ARHGEF10L: variants seen among roughly 807,000 people sequenced by gnomAD.
The protein encoded by ARHGEF10L is rho guanine nucleotide exchange factor 10-like protein.
ARHGEF10L carries 69 observed loss-of-function variants against 141.2 expected under a neutral mutation model. The ratio of observed to expected loss-of-function variants is 0.49; its 90% CI spans 0.40 to 0.60. The LOEUF is 0.60. ARHGEF10L is among the 20% of genes least tolerant of loss of function. The pLI is 0.00. For synonymous variants in ARHGEF10L, 711 were observed against 718.5 expected (o/e 0.99, Z 0.17); for missense variants, 1,482 against 1,734.3 (o/e 0.85, Z 2.58).
intron 4 of ARHGEF10L, among the ~76,000 whole-genome samples, chr1:17,589,630 C>G (rs2079359717): frequency 6.6e-6 from 1 of 152,198 alleles, no homozygotes; most frequent in South Asian, 2.1e-4. Context: ...TTCTCCTGAG[C>G]TTGCTACTAT....
intron 27 of ARHGEF10L, among the ~76,000 whole-genome samples, chr1:17,691,903 G>C (rs998265721): frequency 2.0e-5 from 3 of 152,158 alleles, no homozygotes; most frequent in Non-Finnish European, 2.9e-5. Flanking sequence ...CATGAGCCAA[G>C]GTACTTGGCC....
chr1:17,692,959 A>G (rs10788680), intron 27 of ARHGEF10L, among the ~76,000 whole-genome samples: 123,553 of 152,110 alleles, frequency 0.81, 50,382 homozygotes, highest in East Asian at 0.91. Flanking sequence ...CTTGTCACCC[A>G]GCAGCCTCAC....
Position 17,615,636 on chromosome 1 carries a change from T to C in ARHGEF10L, c.727-458T>C, listed in dbSNP as rs2059765103. On this transcript the variant is annotated intron_variant, in intron 8 of 28. Coordinates refer to ENST00000361221, the MANE Select transcript of ARHGEF10L (RefSeq NM_018125.4). This position sits in a 1 kb window ranked among gnomAD's most constrained non-coding sequence, Gnocchi z 4.7. ...GAGTGCATTTTTCTGCTCAGGGAGCTTTCCCAGACCCGGAATGTTTGGTGC... is the reference window on the plus strand; with the variant it reads ...GAGTGCATTTTTCTGCTCAGGGAGCCTTCCCAGACCCGGAATGTTTGGTGC... The C allele has an allele frequency of 6.3e-6, 1 of 157,908 alleles. No homozygotes were observed. Among genetic ancestry groups the C allele is most frequent in the African/African-American group, 2.4e-5 (1 of 41,644 alleles). 9.8% of individuals were successfully genotyped at this position (157,908 alleles called of 1,614,324 possible).
chr1:17,606,363 G>T lies in ARHGEF10L; in HGVS notation c.434-1439G>T, dbSNP rs547330916. 2.7e-4 allele frequency among the ~76,000 whole-genome samples: 41 copies of T among 150,930 alleles called. 1 individual carries two copies. In the South Asian group the frequency reaches 7.6e-3, roughly 28 times the overall value. Reference sequence around the variant, plus strand: ...GGCTGGAGTTCAGTGGCACGGTCTCGGCTCACTGCAGCTTCCGCCTCCCGG... The same window carrying T: ...GGCTGGAGTTCAGTGGCACGGTCTCTGCTCACTGCAGCTTCCGCCTCCCGG... On this transcript the variant is annotated intron_variant, in intron 6 of 28. Transcript: ENST00000361221.
intron 26 of ARHGEF10L, among the ~76,000 whole-genome samples, chr1:17,683,572 G>A (rs76593741): frequency 0.14 from 21,731 of 152,226 alleles, 1,681 homozygotes; most frequent in Non-Finnish European, 0.16. Flanking sequence ...CAGGCTCGTG[G>A]TGTGAGAAGG....
chr1:17,623,504 AG>A lies in ARHGEF10L; in HGVS notation c.1200+333del, dbSNP rs1165548758. 6.6e-6 allele frequency among the ~76,000 whole-genome samples: 1 copy of A among 152,078 alleles called. No individual in the cohort carries two copies. The highest frequency in any genetic ancestry group is 2.4e-5 in the African/African-American group (1 of 41,392). On this transcript the variant is annotated intron_variant, in intron 12 of 28. Coordinates refer to ENST00000361221, the MANE Select transcript of ARHGEF10L (RefSeq NM_018125.4). The surrounding 1 kb of genome is among the most constrained non-coding windows in gnomAD (Gnocchi z 4.7). Reference sequence around the variant, plus strand: ...CACAAGCTCTCTTACCGAGCACTTGAGGGGTTTCAAGCCAGTGTGAAATGCT... The same window carrying A: ...CACAAGCTCTCTTACCGAGCACTTGAGGGTTTCAAGCCAGTGTGAAATGCT...
chr1:17,601,028 C>T (rs1463485315), intron 4 of ARHGEF10L, among the ~76,000 whole-genome samples: 12 of 135,238 alleles, frequency 8.9e-5, no homozygotes, highest in Non-Finnish European at 1.5e-4. Context: ...GAAGCCTGGG[C>T]GACAGAGCGA....
the ARHGEF10L span, among the ~76,000 whole-genome samples, chr1:17,524,564 A>C: frequency 0.57 from 86,139 of 151,830 alleles, 24,866 homozygotes; most frequent in East Asian, 0.75. Flanking sequence ...AGAGTGAGAC[A>C]CTGTCTCAAA....
chr1:17,555,480 C>T (rs1019787167), intron 1 of ARHGEF10L, among the ~76,000 whole-genome samples: 6 of 152,104 alleles, frequency 3.9e-5, no homozygotes, highest in African/African-American at 9.6e-5. Flanking sequence ...CTTAGCCTCT[C>T]AAGCAGCTGG....
intron 22 of ARHGEF10L, among the ~76,000 whole-genome samples, chr1:17,651,694 A>G (rs2061947022): frequency 6.6e-6 from 1 of 152,156 alleles, no homozygotes; most frequent in African/African-American, 2.4e-5. Flanking sequence ...GGGCCCAGGA[A>G]TATGTAGGCC....
At chr1:17,547,504 G>A (rs768166339) in intron 1 of ARHGEF10L, among the ~76,000 whole-genome samples, 2 of 152,228 alleles carry the variant, frequency 1.3e-5, no homozygotes, top group Non-Finnish European at 2.9e-5. Flanking sequence ...CAAGGCGGGA[G>A]CCAGCTCTCA....
At chr1:17,562,278 G>C (rs933443620) in intron 1 of ARHGEF10L, among the ~76,000 whole-genome samples, 1 of 152,212 alleles carries the variant, frequency 6.6e-6, no homozygotes, top group East Asian at 1.9e-4. Context: ...TTGGCTGGGC[G>C]TGGTGGCGTA....
intron 1 of ARHGEF10L, among the ~76,000 whole-genome samples, chr1:17,557,455 CAGCCTTCAAG>C (rs1296333650): frequency 2.0e-5 from 3 of 152,200 alleles, no homozygotes; most frequent in African/African-American, 4.8e-5. Flanking sequence ...CCTGCAGTAT[CAGCCTTCAAG>C]AGCTAGTGAC....
In ARHGEF10L at chr1:17,551,864, G is replaced by A. The variant is rs2077124729; in HGVS notation, c.-44+11914G>A. 2.6e-5 allele frequency among the ~76,000 whole-genome samples: 4 copies of A among 152,230 alleles called. 1 individual carries two copies. The highest frequency in any genetic ancestry group is 1.5e-5 in the Non-Finnish European group (1 of 68,026). ...CAACCACAGTCCCAGGGGTGGAAGCGGATGGTGAGTAACCCCAGGGAGCGG... is the reference window on the plus strand; with the variant it reads ...CAACCACAGTCCCAGGGGTGGAAGCAGATGGTGAGTAACCCCAGGGAGCGG... On this transcript the variant is annotated intron_variant, in intron 1 of 28. Coordinates refer to ENST00000361221, the MANE Select transcript of ARHGEF10L (RefSeq NM_018125.4).
chr1:17,544,015 C>T (rs2076828040), intron 1 of ARHGEF10L, among the ~76,000 whole-genome samples: 1 of 151,450 alleles, frequency 6.6e-6, no homozygotes, highest in East Asian at 2.0e-4. Context: ...GGCGTGATCT[C>T]TGCTCACTGC....
In ARHGEF10L at chr1:17,587,624, T is replaced by C. The variant is rs1418554887; in HGVS notation, c.202T>C (p.Leu68=). Residue 68 remains leucine (L), a synonymous_variant, in exon 3 of 29, where the codon TTG becomes CTG. Coordinates refer to ENST00000361221, the MANE Select transcript of ARHGEF10L (RefSeq NM_018125.4). ...ERDTDPPLIH[L]DSIPVTDPDP... is the part of the protein sequence containing the mutation. ...GGACACAGACCCCCCACTGATCCACTTGGACTCCATCCCTGTCACTGGTAA... is the reference window on the plus strand; with the variant it reads ...GGACACAGACCCCCCACTGATCCACCTGGACTCCATCCCTGTCACTGGTAA... 1.9e-6 allele frequency: 3 copies of C among 1,613,080 alleles called. No individual in the cohort carries two copies. The highest frequency in any genetic ancestry group is 2.2e-5 in the East Asian group (1 of 44,838).
At chr1:17,645,445 G>A (rs562307880) in intron 21 of ARHGEF10L, among the ~76,000 whole-genome samples, 10 of 152,254 alleles carry the variant, frequency 6.6e-5, no homozygotes, top group African/African-American at 2.4e-4. Flanking sequence ...AGGAAAGAGA[G>A]GAGCTGAGCT....
At position 17,696,928 on chromosome 1, in the gene ARHGEF10L, A is replaced by G; in HGVS notation, c.3388A>G (p.Ile1130Val). 6.2e-7 allele frequency: 1 copy of G among 1,611,492 alleles called. No individual in the cohort carries two copies. Among genetic ancestry groups the G allele is most frequent in the African/African-American group, 1.3e-5 (1 of 75,018 alleles). ...GGCTACCAGCATCCTGGCCCCTGACATCCTGCGGAGTGACCAGGAGGAGGC... is the reference window on the plus strand; with the variant it reads ...GGCTACCAGCATCCTGGCCCCTGACGTCCTGCGGAGTGACCAGGAGGAGGC... ...AVATSILAPD[I>V]LRSDQEEAEG... is the part of the protein sequence containing the mutation. The change falls in exon 29 of 29, where the codon ATC becomes GTC. Residue 1130 changes from isoleucine to valine, a missense_variant. Physicochemically the swap from Ile to Val is conservative, Grantham distance 29 (BLOSUM62 3). This residue lies in a region of ARHGEF10L where 858 missense variants were observed against 966.3 expected (regional missense o/e 0.89). Coordinates refer to ENST00000361221, the MANE Select transcript of ARHGEF10L (RefSeq NM_018125.4).
chr1:17,560,637 C>T (rs1217621830), intron 1 of ARHGEF10L, among the ~76,000 whole-genome samples: 1 of 152,242 alleles, frequency 6.6e-6, no homozygotes, highest in East Asian at 1.9e-4. Context: ...GCAATCTCGG[C>T]TCACCACAAC....
Sources: allele counts gnomAD v4.1 joint callset (sites outside exome capture counted in the v4.1 genomes callset), GRCh38; gene constraint gnomAD v4.1.1; regional missense constraint gnomAD v4.1.1; non-coding constraint Gnocchi (gnomAD v3.1); transcripts MANE v1.5; gene names NCBI Gene and HGNC (gene_info 2026-07-23, HGNC 2026-07-21).